Variants in KCNIP1 observed in about 807,000 individuals in gnomAD.
KCNIP1 encodes A-type potassium channel modulatory protein KCNIP1.
Under a neutral mutation model 33.0 loss-of-function variants are expected in KCNIP1, and 18 were observed. The observed-to-expected ratio is 0.55, with a 90% confidence interval of 0.38 to 0.81. KCNIP1 has a LOEUF of 0.81. Ranked by LOEUF, KCNIP1 falls within the 30% of genes least tolerant of loss-of-function variation. The pLI is 0.00. For synonymous variants in KCNIP1, 93 were observed against 98.3 expected, an observed-to-expected ratio of 0.95 and a Z score of 0.32; for missense variants, 238 against 271.6, an observed-to-expected ratio of 0.88 and a Z score of 0.87.
At chr5:170,728,615 T>C (rs1342574505) in intron 5 of KCNIP1, among the ~76,000 whole-genome samples, 1 of 152,172 alleles carries the variant, frequency 6.6e-6, no homozygotes, top group East Asian at 1.9e-4. Flanking sequence ...ATGGGCATTT[T>C]TAAATATCCA....
At chr5:170,383,503 C>G in intron 1 of KCNIP1, 1 of 712,860 alleles carries the variant, frequency 1.4e-6, no homozygotes, top group Non-Finnish European at 2.4e-6. Context: ...CAGATTCAAA[C>G]CCAGGTCTGT....
intron 1 of KCNIP1, among the ~76,000 whole-genome samples, chr5:170,400,435 T>A (rs1754872557): frequency 1.3e-5 from 2 of 152,118 alleles, no homozygotes. Flanking sequence ...GAGAACAGCA[T>A]GGGGGAGACT....
chr5:170,462,065 A>T (rs1053450451), intron 1 of KCNIP1, among the ~76,000 whole-genome samples: 2 of 152,152 alleles, frequency 1.3e-5, no homozygotes, highest in Non-Finnish European at 2.9e-5. Context: ...CAAGGATTTC[A>T]TAACCAAGAA....
chr5:170,735,166 AAG>A (rs1003005255), intron 7 of KCNIP1, among the ~76,000 whole-genome samples: 1 of 152,100 alleles, frequency 6.6e-6, no homozygotes, highest in African/African-American at 2.4e-5. Context: ...ATTTTTTTGA[AAG>A]AGAGCGCTTT....
At chr5:170,423,332 A>C (rs542322560) in intron 1 of KCNIP1, among the ~76,000 whole-genome samples, 7 of 151,900 alleles carry the variant, frequency 4.6e-5, no homozygotes, top group African/African-American at 1.7e-4. Flanking sequence ...AAGACACACA[A>C]ACAGATAAAA....
At chr5:170,367,959 T>C (rs1763739152) in intron 1 of KCNIP1, among the ~76,000 whole-genome samples, 1 of 152,226 alleles carries the variant, frequency 6.6e-6, no homozygotes, top group African/African-American at 2.4e-5. Context: ...AGTGAAAAAC[T>C]GGAGGCAATC....
At chr5:170,439,132 TG>T (rs1467484367) in intron 1 of KCNIP1, among the ~76,000 whole-genome samples, 1 of 152,172 alleles carries the variant, frequency 6.6e-6, no homozygotes, top group Non-Finnish European at 1.5e-5. Context: ...CTCACATGCC[TG>T]GGGAAGACTG....
intron 1 of KCNIP1, among the ~76,000 whole-genome samples, chr5:170,632,251 C>T (rs1760076791): frequency 6.6e-6 from 1 of 152,170 alleles, no homozygotes; most frequent in South Asian, 2.1e-4. Flanking sequence ...CTCAGAAAAC[C>T]CCAGATGCCC....
chr5:170,680,747 T>C (rs1400160559), intron 1 of KCNIP1: 1 of 220,072 alleles, frequency 4.5e-6, no homozygotes, highest in Non-Finnish European at 8.9e-6. Context: ...GCCGAGAGAA[T>C]ATGCCATGAG....
At chr5:170,681,303 C>A (rs1762336222) in intron 1 of KCNIP1, 2 of 392,826 alleles carry the variant, frequency 5.1e-6, no homozygotes, top group Non-Finnish European at 9.0e-6. Context: ...AAAAGCCGGG[C>A]TGAAACAGCG....
At chr5:170,528,285 C>T (rs1173678105) in intron 1 of KCNIP1, among the ~76,000 whole-genome samples, 4 of 152,172 alleles carry the variant, frequency 2.6e-5, no homozygotes, top group Non-Finnish European at 4.4e-5. Context: ...GAGCTGCAAG[C>T]GGGTGGTCTC....
chr5:170,573,787 G>C (rs940210068), intron 1 of KCNIP1, among the ~76,000 whole-genome samples: 7 of 152,252 alleles, frequency 4.6e-5, no homozygotes, highest in Non-Finnish European at 8.8e-5. Flanking sequence ...CAGTGGAGTT[G>C]AGTCATTGGA....
intron 1 of KCNIP1, among the ~76,000 whole-genome samples, chr5:170,406,718 C>T (rs968597588): frequency 7.9e-5 from 12 of 152,210 alleles, no homozygotes; most frequent in Non-Finnish European, 1.8e-4. Flanking sequence ...CACCCTCTCC[C>T]TCTTAGGCTC....
At chr5:170,630,472 T>C (rs1326108450) in intron 1 of KCNIP1, among the ~76,000 whole-genome samples, 2 of 152,088 alleles carry the variant, frequency 1.3e-5, no homozygotes, top group Non-Finnish European at 2.9e-5. Flanking sequence ...GACGTACAGA[T>C]GAGTAGGGGG....
chr5:170,449,933 C>A (rs565352074), intron 1 of KCNIP1, among the ~76,000 whole-genome samples: 24 of 151,772 alleles, frequency 1.6e-4, no homozygotes, highest in Non-Finnish European at 2.5e-4. Flanking sequence ...CTTGGAAGGC[C>A]GGGAGGTTTT....
chr5:170,642,825 C>T (rs1271105732), intron 1 of KCNIP1, among the ~76,000 whole-genome samples: 1 of 152,194 alleles, frequency 6.6e-6, no homozygotes, highest in African/African-American at 2.4e-5. Flanking sequence ...CACATCGTCC[C>T]ATGTAATCTT....
intron 1 of KCNIP1, among the ~76,000 whole-genome samples, chr5:170,544,671 A>AT (rs1249326739): frequency 1.3e-5 from 2 of 151,008 alleles, no homozygotes; most frequent in South Asian, 2.1e-4. Context: ...TTATTATTGT[A>AT]TTTTTTTCCT....
intron 1 of KCNIP1, among the ~76,000 whole-genome samples, chr5:170,426,801 G>T (rs1168071137): frequency 6.6e-6 from 1 of 152,238 alleles, no homozygotes; most frequent in Non-Finnish European, 1.5e-5. Flanking sequence ...TCCCAAGAGG[G>T]GTTCGTAGAG....
At chr5:170,380,944 A>C (rs1282646338) in intron 1 of KCNIP1, among the ~76,000 whole-genome samples, 1 of 152,228 alleles carries the variant, frequency 6.6e-6, no homozygotes, top group African/African-American at 2.4e-5. Context: ...AGCACTGAGC[A>C]CAGAAGCCCA....
Sources: gnomAD v4.1 joint callset for allele counts (sites outside exome capture counted in the v4.1 genomes callset) on GRCh38, gnomAD v4.1.1 for gene constraint, MANE v1.5 for transcripts, NCBI Gene and HGNC (gene_info 2026-07-23, HGNC 2026-07-21) for gene names.